ZNF483: variants seen among roughly 807,000 people sequenced by gnomAD.
ZNF483 encodes zinc finger protein HIT-10.
ZNF483 carries 9 observed loss-of-function variants against 28.6 expected under a neutral mutation model. The ratio of observed to expected loss-of-function variants is 0.32; its 90% CI spans 0.19 to 0.55. The LOEUF (loss-of-function observed/expected upper bound fraction) is 0.55. ZNF483 is among the 20% of genes least tolerant of loss of function. ZNF483 has a pLI of 0.93. For missense variants in ZNF483, 675 were observed against 871.7 expected (o/e 0.77, Z 2.84); for synonymous variants, 322 against 306.2 (o/e 1.05, Z -0.54).
intron 3 of ZNF483, among the ~76,000 whole-genome samples, chr9:111,532,870 C>T (rs1827384180): frequency 6.6e-6 from 1 of 150,912 alleles, no homozygotes; most frequent in East Asian, 1.9e-4. Flanking sequence ...GATCATGCCA[C>T]TGCACTCCAG....
At chr9:111,531,024 G>A in intron 3 of ZNF483, 61 bp downstream of exon 3, 2 of 785,174 alleles carry the variant, frequency 2.5e-6, no homozygotes, top group South Asian at 1.9e-5. Context: ...CCTACTGAGT[G>A]GTATAAAGAT....
At chr9:111,526,698 A>G (rs1320838609) in intron 1 of ZNF483, among the ~76,000 whole-genome samples, 1 of 152,146 alleles carries the variant, frequency 6.6e-6, no homozygotes, top group Admixed American at 6.5e-5. Context: ...TAGCTTTGTG[A>G]CTGGGTCCCC....
chr9:111,560,277 G>A (rs993231743), downstream of ZNF483, among the ~76,000 whole-genome samples: 2 of 151,782 alleles, frequency 1.3e-5, no homozygotes, highest in Non-Finnish European at 1.5e-5. Context: ...TCAGGAGATC[G>A]AGACCATCCT....
Position 111,527,089 on chromosome 9 carries a change from C to T in ZNF483, c.-128-179C>T, listed in dbSNP as rs200180861. ...TTCACTCCAGCCTGGGCACCAAGAG[C>T]GAAACTCCGTCTCAAAAAAAAAAAG... On this transcript the variant is annotated intron_variant, in intron 1 of 5. Transcript: ENST00000309235. 6.0e-5 allele frequency among the ~76,000 whole-genome samples: 9 copies of T among 151,220 alleles called. No individual in the cohort carries two copies. In the East Asian group the frequency reaches 1.6e-3, roughly 26 times the overall value.
In ZNF483 at chr9:111,546,188, A is replaced by G. The variant is rs142710000; in HGVS notation, c.*3018A>G. 6.6e-6 allele frequency among the ~76,000 whole-genome samples: 1 copy of G among 152,326 alleles called. No individual in the cohort carries two copies. Among genetic ancestry groups the G allele is most frequent in the Non-Finnish European group, 1.5e-5 (1 of 68,014 alleles). ...AGCATCTTTTATGTGCTCTTCAGCC[A>G]TTCATGTATCTTAGTGAAATGTTTA... On this transcript the variant is annotated 3_prime_UTR_variant, in exon 6 of 6. Coordinates refer to ENST00000309235, the MANE Select transcript of ZNF483 (RefSeq NM_133464.5).
chr9:111,573,614 C>G (rs1828929321), intron 5 of ZNF483, among the ~76,000 whole-genome samples: 1 of 152,072 alleles, frequency 6.6e-6, no homozygotes, highest in African/African-American at 2.4e-5. Flanking sequence ...TGTGATCTCT[C>G]TTAATAGCAC....
In ZNF483 at chr9:111,542,559, C is replaced by G; in HGVS notation, c.1624C>G (p.Gln542Glu). The G allele has an allele frequency of 3.7e-6, 6 of 1,614,112 alleles. No individual in the cohort carries two copies. The highest frequency in any genetic ancestry group is 5.1e-6 in the Non-Finnish European group (6 of 1,180,018). Residue 542 changes from glutamine (Q) to glutamate (E), a missense_variant, in exon 6 of 6, where the codon CAG (glutamine) becomes GAG (glutamate). Gln to Glu is a conservative substitution (Grantham distance 29, BLOSUM62 2). This residue lies in a region of ZNF483 where 41 missense variants were observed against 69.0 expected (regional missense o/e 0.59). Transcript: ENST00000309235. This position sits in a 1 kb window ranked among gnomAD's most constrained non-coding sequence, Gnocchi z 6.2. ...TGACAGTTCATCTCTTATTCAACAT[C>G]AGCGAATTCATACTGGAGAAAAACC... ...FSDSSSLIQH[Q>E]RIHTGEKPYT...
chr9:111,544,372 G>GTGTA lies in ZNF483; in HGVS notation c.*1203_*1204insGTAT, dbSNP rs60501645. 5.3e-6 allele frequency: 5 copies of GTGTA among 943,962 alleles called. No individual in the cohort carries two copies. Among genetic ancestry groups the GTGTA allele is most frequent in the Non-Finnish European group, 6.3e-6 (5 of 795,952 alleles). The allele number at this position is 943,962 out of a possible 1,614,324, so 58.5% of individuals were successfully genotyped here. On this transcript the variant is annotated 3_prime_UTR_variant, in exon 6 of 6. Coordinates refer to ENST00000309235, the MANE Select transcript of ZNF483 (RefSeq NM_133464.5). Reference sequence around the variant, plus strand: ...CATGTGTGTGTGTGTGTGTGTGTGTGTATACATTGTTGCCACTATCTAAAA... The same window carrying GTGTA: ...CATGTGTGTGTGTGTGTGTGTGTGTGTGTATATACATTGTTGCCACTATCTAAAA...
At position 111,541,733 on chromosome 9, in the gene ZNF483, A is replaced by G. The variant is rs757692140; in HGVS notation, c.798A>G (p.Gln266=). 5.0e-6 allele frequency: 8 copies of G among 1,614,230 alleles called. 1 individual carries two copies. In the South Asian group the frequency reaches 8.8e-5, roughly 18 times the overall value. The change falls in exon 6 of 6, where the codon CAA becomes CAG. Residue 266 remains glutamine (Q), a synonymous_variant. Coordinates refer to ENST00000309235, the MANE Select transcript of ZNF483 (RefSeq NM_133464.5). ...DDHGLMEESQ[Q]YCGSSEEDHG... Reference sequence around the variant, plus strand: ...ATGGCTTGATGGAAGAATCCCAGCAATATTGTGGCAGCTCAGAGGAGGATC... The same window carrying G: ...ATGGCTTGATGGAAGAATCCCAGCAGTATTGTGGCAGCTCAGAGGAGGATC...
chr9:111,556,539 T>C (rs1240973049), downstream of ZNF483, among the ~76,000 whole-genome samples: 5 of 152,246 alleles, frequency 3.3e-5, no homozygotes, highest in Non-Finnish European at 7.3e-5. Context: ...CTCTGAAATC[T>C]AGGCAGAGAC....
chr9:111,536,642 C>T (rs1827510051), intron 5 of ZNF483, among the ~76,000 whole-genome samples: 1 of 152,158 alleles, frequency 6.6e-6, no homozygotes, highest in Non-Finnish European at 1.5e-5. Context: ...TTGTAGTCAA[C>T]TTATTGGCTG....
chr9:111,576,470 G>GC lies in ZNF483; in HGVS notation c.*58dup, dbSNP rs535551674. 8.7e-4 allele frequency: 1,397 copies of GC among 1,611,414 alleles called. 2 individuals carry two copies. The highest frequency in any genetic ancestry group is 1.1e-3 in the Non-Finnish European group (1,289 of 1,178,476). ...TACACAGAGATGACCAGAGGATGGGGCCACTGCAGTGCAGTTCAAGAGGCT... is the reference window on the plus strand; with the variant it reads ...TACACAGAGATGACCAGAGGATGGGGCCCACTGCAGTGCAGTTCAAGAGGCT... On this transcript the variant is annotated 3_prime_UTR_variant, in exon 6 of 6. Transcript: ENST00000358151.
intron 5 of ZNF483, among the ~76,000 whole-genome samples, chr9:111,573,184 G>A (rs1052530945): frequency 6.6e-6 from 1 of 152,098 alleles, no homozygotes; most frequent in Non-Finnish European, 1.5e-5. Context: ...ATTCCTAATC[G>A]GACTGTGGTT....
Position 111,543,959 on chromosome 9 carries a change from T to C in ZNF483, c.*789T>C, listed in dbSNP as rs1433426438. On this transcript the variant is annotated 3_prime_UTR_variant, in exon 6 of 6. Coordinates refer to ENST00000309235, the MANE Select transcript of ZNF483 (RefSeq NM_133464.5). ...CTTCTAGCTTAGTGAGAATGCAGTA[T>C]ACTTTTTGAAAACTTCGTGCAGGAA... The C allele has an allele frequency of 1.0e-6, 1 of 985,252 alleles. No individual in the cohort carries two copies. The highest frequency in any genetic ancestry group is 1.2e-6 in the Non-Finnish European group (1 of 829,954). 61.0% of individuals were successfully genotyped at this position (985,252 alleles called of 1,614,324 possible). A position where few individuals can be genotyped will look rare whatever the true frequency, so the allele number is the denominator to read the frequency against.
chr9:111,553,632 C>T lies in ZNF483; in HGVS notation c.*10462C>T, dbSNP rs779718521. Reference sequence around the variant, plus strand: ...TATGTGTAACACTAGTGATAATGCACGTTCCTGTACAAGCATTATAATACA... The same window carrying T: ...TATGTGTAACACTAGTGATAATGCATGTTCCTGTACAAGCATTATAATACA... On this transcript the variant is annotated 3_prime_UTR_variant, in exon 6 of 6. Transcript: ENST00000309235. 3.9e-5 allele frequency among the ~76,000 whole-genome samples: 6 copies of T among 152,148 alleles called. No individual in the cohort carries two copies. The highest frequency in any genetic ancestry group is 5.9e-5 in the Non-Finnish European group (4 of 68,026).
chr9:111,563,317 G>A, intron 5 of ZNF483: 1 of 1,298,624 alleles, frequency 7.7e-7, no homozygotes, highest in African/African-American at 1.5e-5. Context: ...AATTTATCAG[G>A]TACATCATTG....
chr9:111,569,746 C>G (rs1828727437), intron 5 of ZNF483, among the ~76,000 whole-genome samples: 1 of 152,138 alleles, frequency 6.6e-6, no homozygotes, highest in African/African-American at 2.4e-5. Flanking sequence ...GCCTGAGCAA[C>G]AGAGTGAGAC....
chr9:111,537,958 T>A (rs1354258972), intron 5 of ZNF483, among the ~76,000 whole-genome samples: 1 of 152,202 alleles, frequency 6.6e-6, no homozygotes, highest in African/African-American at 2.4e-5. Context: ...TCTTTACATT[T>A]GTTTACATTT....
chr9:111,529,321 A>G (rs1827262437), intron 2 of ZNF483, among the ~76,000 whole-genome samples: 1 of 152,198 alleles, frequency 6.6e-6, no homozygotes, highest in Admixed American at 6.5e-5. Context: ...ATTTTTCTTA[A>G]TTGAAAAAGA....
Sources: allele counts gnomAD v4.1 joint callset (sites outside exome capture counted in the v4.1 genomes callset), GRCh38; gene constraint gnomAD v4.1.1; regional missense constraint gnomAD v4.1.1; non-coding constraint Gnocchi (gnomAD v3.1); transcripts MANE v1.5; gene names NCBI Gene and HGNC (gene_info 2026-07-23, HGNC 2026-07-21).